The following PSMD14 variants were observed in gnomAD, a reference collection of about 807,000 sequenced individuals.
PSMD14 encodes the protein proteasome 26S subunit, non-ATPase 14, also known as ubiquitin C-terminal hydrolase PSMD14.
PSMD14 carries 7 observed loss-of-function variants against 41.2 expected under a neutral mutation model. The observed-to-expected ratio is 0.17, with a 90% CI of 0.10 to 0.32. PSMD14 has a LOEUF of 0.32. Among genes scored for constraint, PSMD14 ranks in the 10% least tolerant of loss-of-function variants. The probability of loss-of-function intolerance (pLI) is 1.00; values close to 1 mark genes in which losing one functional copy is unlikely to be tolerated. For missense variants in PSMD14, 139 were observed against 375.6 expected (o/e 0.37, Z 5.21); for synonymous variants, 114 against 122.3 (o/e 0.93, Z 0.45).
intron 11 of PSMD14, chr2:161,409,639 A>G (rs894679515): frequency 6.6e-6 from 1 of 152,064 alleles, no homozygotes; most frequent in South Asian, 2.1e-4. Context: ...TTGGATGGGA[A>G]ATCTCTAAGA....
intron 3 of PSMD14, among the ~76,000 whole-genome samples, chr2:161,328,403 G>A (rs1421342662): frequency 6.6e-6 from 1 of 152,100 alleles, no homozygotes; most frequent in African/African-American, 2.4e-5. Flanking sequence ...CAACATGGAA[G>A]CATGTAAATT....
At chr2:161,384,817 C>T (rs1683613848) in intron 7 of PSMD14, 2 of 151,776 alleles carry the variant, frequency 1.3e-5, no homozygotes, top group Admixed American at 1.3e-4. Context: ...GAATTTAGGA[C>T]CATATCATTC....
At chr2:161,331,676 A>G (rs1007389474) in intron 3 of PSMD14, among the ~76,000 whole-genome samples, 2 of 152,198 alleles carry the variant, frequency 1.3e-5, no homozygotes, top group African/African-American at 2.4e-5. Flanking sequence ...TGAATAGGGA[A>G]TGTCATTGTA....
intron 3 of PSMD14, among the ~76,000 whole-genome samples, chr2:161,332,694 T>G (rs1289562654): frequency 1.3e-5 from 2 of 152,230 alleles, no homozygotes; most frequent in Admixed American, 1.3e-4. Flanking sequence ...TACCATGTTT[T>G]TTTAGAACAT....
chr2:161,369,982 G>C (rs748502700), intron 5 of PSMD14, 125 bp from the exon 6 acceptor site: 143 of 621,166 alleles, frequency 2.3e-4, no homozygotes, highest in Admixed American at 4.2e-4. Context: ...TGAATGACTT[G>C]AGTAGGTATC....
intron 1 of PSMD14, among the ~76,000 whole-genome samples, chr2:161,312,646 G>A (rs1296303751): frequency 2.0e-5 from 3 of 152,156 alleles, no homozygotes; most frequent in Admixed American, 6.5e-5. Flanking sequence ...TATTCATATT[G>A]TCTGATAATA....
intron 7 of PSMD14, among the ~76,000 whole-genome samples, chr2:161,373,278 G>A (rs1447600710): frequency 6.6e-6 from 1 of 151,640 alleles, no homozygotes; most frequent in East Asian, 1.9e-4. Flanking sequence ...GTCTACTTTT[G>A]TATGTTAGGA....
At chr2:161,316,973 T>G (rs1689154623) in intron 2 of PSMD14, among the ~76,000 whole-genome samples, 1 of 152,222 alleles carries the variant, frequency 6.6e-6, no homozygotes, top group Admixed American at 6.5e-5. Context: ...GAATCAGTTT[T>G]GGCCTAGAAT....
chr2:161,391,413 A>G lies in PSMD14; in HGVS notation c.645+235A>G, dbSNP rs371704673. Among the ~76,000 whole-genome samples the G allele has an allele frequency of 3.3e-5, 5 of 152,288 alleles. No individual in the cohort carries two copies. The East Asian group carries it at 5.8e-4, about 18-fold the overall frequency. On this transcript the variant is annotated intron_variant, in intron 9 of 11. Transcript: ENST00000409682. ...GGGAGAGGAAGTAGGAAATAAATCAAACGTTCCACTTTGGTTTTATGATAA... is the reference window on the plus strand; with the variant it reads ...GGGAGAGGAAGTAGGAAATAAATCAGACGTTCCACTTTGGTTTTATGATAA...
intron 1 of PSMD14, among the ~76,000 whole-genome samples, chr2:161,315,856 T>C (rs1437456946): frequency 6.7e-6 from 1 of 149,558 alleles, no homozygotes; most frequent in Non-Finnish European, 1.5e-5. Flanking sequence ...TTTTTTTTTT[T>C]TTTTGAGACC....
chr2:161,403,876 A>G (rs1366173474), intron 10 of PSMD14, among the ~76,000 whole-genome samples: 4 of 151,918 alleles, frequency 2.6e-5, no homozygotes, highest in Admixed American at 2.6e-4. Flanking sequence ...TTTATATGCC[A>G]GTAGAACTTT....
intron 1 of PSMD14, among the ~76,000 whole-genome samples, chr2:161,315,259 G>A (rs904621548): frequency 3.3e-5 from 5 of 152,196 alleles, no homozygotes; most frequent in East Asian, 1.9e-4. Flanking sequence ...ACAGCCCCAC[G>A]AACAACAAAA....
intron 10 of PSMD14, among the ~76,000 whole-genome samples, chr2:161,399,790 T>C (rs1683850771): frequency 6.6e-6 from 1 of 152,218 alleles, no homozygotes; most frequent in African/African-American, 2.4e-5. Context: ...TGATACATTT[T>C]TGGAGGCCGT....
chr2:161,317,137 G>A (rs1024118623), intron 2 of PSMD14, among the ~76,000 whole-genome samples: 4 of 151,702 alleles, frequency 2.6e-5, no homozygotes, highest in African/African-American at 9.7e-5. Context: ...GATTCCCCCC[G>A]CCCCGTTTTT....
At chr2:161,309,770 G>T (rs1055854414) in intron 1 of PSMD14, among the ~76,000 whole-genome samples, 1 of 152,138 alleles carries the variant, frequency 6.6e-6, no homozygotes, top group Non-Finnish European at 1.5e-5. Context: ...TTCAAGTGAT[G>T]ATCTTTTATT....
intron 8 of PSMD14, among the ~76,000 whole-genome samples, chr2:161,386,885 C>T (rs1163728697): frequency 6.6e-6 from 1 of 151,816 alleles, no homozygotes; most frequent in African/African-American, 2.4e-5. Flanking sequence ...TAAAGCACTG[C>T]TTTTTAACCT....
At chr2:161,361,231 G>GA (rs149597012) in intron 3 of PSMD14, among the ~76,000 whole-genome samples, 1,907 of 152,078 alleles carry the variant, frequency 0.013, 37 homozygotes, top group African/African-American at 0.044. Flanking sequence ...CCAGTACTAA[G>GA]AAAAAATGAA....
At chr2:161,386,954 A>G (rs1282470032) in intron 8 of PSMD14, among the ~76,000 whole-genome samples, 1 of 151,906 alleles carries the variant, frequency 6.6e-6, no homozygotes, top group Non-Finnish European at 1.5e-5. Context: ...TCCAGTTTGT[A>G]TTTTTTAATC....
At chr2:161,376,898 A>G (rs1417466111) in intron 7 of PSMD14, among the ~76,000 whole-genome samples, 1 of 151,892 alleles carries the variant, frequency 6.6e-6, no homozygotes, top group Non-Finnish European at 1.5e-5. Flanking sequence ...GCCACTACCA[A>G]ATCTATTTTT....
Sources: allele counts gnomAD v4.1 joint callset (sites outside exome capture counted in the v4.1 genomes callset), GRCh38; gene constraint gnomAD v4.1.1; transcripts MANE v1.5; gene names NCBI Gene and HGNC (gene_info 2026-07-23, HGNC 2026-07-21).